The following FCSK variants were observed in gnomAD, a reference collection of about 807,000 sequenced individuals.
FCSK encodes the protein fucose kinase.
Under a neutral mutation model 122.5 loss-of-function variants are expected in FCSK, and 123 were observed. The ratio of observed to expected loss-of-function variants is 1.00; its 90% CI spans 0.87 to 1.17. The LOEUF (loss-of-function observed/expected upper bound fraction) is 1.17. Ranked by LOEUF, FCSK falls within the 50% of genes most tolerant of loss-of-function variation. FCSK has a pLI of 0.00. For synonymous variants in FCSK, 620 were observed against 625.5 expected, an observed-to-expected ratio of 0.99 and a Z score of 0.13; for missense variants, 1,366 against 1,450.4, an observed-to-expected ratio of 0.94 and a Z score of 0.95.
At position 70,474,188 on chromosome 16, in the gene FCSK, G is replaced by A. The variant is rs370982504; in HGVS notation, c.1837G>A (p.Val613Ile). The change falls in exon 16 of 24, where the codon GTC (valine) becomes ATC (isoleucine). Residue 613 changes from valine (V) to isoleucine (I), a missense_variant. Coordinates refer to ENST00000288078, the MANE Select transcript of FCSK (RefSeq NM_145059.3). The stretch of plus-strand genomic sequence containing the variant: ...ACGGGCACTGGCCTGTGTGGCGGAC[G>A]TCCTGGGCTGCATGGCAGAGGGCCG... Reference protein sequence around the residue: ...AARALACVADVLGCMAEGRGG... With the variant: ...AARALACVADILGCMAEGRGG... 4.6e-5 allele frequency: 72 copies of A among 1,569,084 alleles called. No homozygotes were observed. The African/African-American group carries it at 6.6e-4, about 14-fold the overall frequency.
At chr16:70,455,479 C>CG (rs17878789) in intron 1 of FCSK, among the ~76,000 whole-genome samples, 8,007 of 149,214 alleles carry the variant, frequency 0.054, 262 homozygotes, top group Non-Finnish European at 0.071. Flanking sequence ...AGCGAGACTA[C>CG]GTCTCAAAAA....
At chr16:70,477,500 G>T (rs2048854358) in intron 20 of FCSK, 1 of 151,864 alleles carries the variant, frequency 6.6e-6, no homozygotes, top group Admixed American at 6.6e-5. Context: ...TTATTTTTAT[G>T]CAGCTACAAG....
At position 70,470,191 on chromosome 16, in the gene FCSK, A is replaced by C. The variant is rs1260081639; in HGVS notation, c.956-123A>C. 65 of 684,904 alleles carry C rather than the reference A, an allele frequency of 9.5e-5. 1 individual carries two copies. The highest frequency in any genetic ancestry group is 2.8e-5 in the Non-Finnish European group (11 of 388,434). The allele number at this position is 684,904 out of a possible 1,614,324, so 42.4% of individuals were successfully genotyped here. ...TTGTGTGGCTTTGGGCAGGTTCCTG[A>C]CTCAGCTTCCCCTAACAGGCTCATG... On this transcript the variant is annotated intron_variant, in intron 10 of 23. Transcript: ENST00000288078.
At chr16:70,470,935 C>A in intron 11 of FCSK, 36 bp from the exon 12 acceptor site, 1 of 1,529,292 alleles carries the variant, frequency 6.5e-7, no homozygotes. Context: ...CCCTGGGCCT[C>A]GACCCCCCTC....
At chr16:70,466,297 A>G in intron 5 of FCSK, 40 bp downstream of exon 5, 5 of 1,610,136 alleles carry the variant, frequency 3.1e-6, no homozygotes, top group Non-Finnish European at 4.2e-6. Flanking sequence ...CGTCCCAGAT[A>G]GAGCCACTTC....
At position 70,474,649 on chromosome 16, in the gene FCSK, G is replaced by C. The variant is rs2048740345; in HGVS notation, c.2110G>C (p.Gly704Arg). 1 of 1,599,404 alleles carries C rather than the reference G, an allele frequency of 6.3e-7. No homozygotes were observed. The highest frequency in any genetic ancestry group is 1.1e-5 in the South Asian group (1 of 88,216). Reference sequence around the variant, plus strand: ...AGAGCAGGTGGAACTGCCGGGACCTGGGCAGTGGGTGGTGGCTGAGTGCCC... The same window carrying C: ...AGAGCAGGTGGAACTGCCGGGACCTCGGCAGTGGGTGGTGGCTGAGTGCCC... The part of the protein sequence containing the change: ...STEQVELPGP[G>R]QWVVAECPAR... The change falls in exon 17 of 24, where the codon GGG becomes CGG. Residue 704 changes from glycine to arginine, a missense_variant. Gly to Arg is a moderately radical substitution (Grantham distance 125). Coordinates refer to ENST00000288078, the MANE Select transcript of FCSK (RefSeq NM_145059.3).
intron 1 of FCSK, among the ~76,000 whole-genome samples, chr16:70,456,752 G>A (rs1282058651): frequency 6.6e-6 from 1 of 152,158 alleles, no homozygotes. Flanking sequence ...TGGGCATGGT[G>A]GCTCACGCCT....
intron 22 of FCSK, 25 bp downstream of exon 22, chr16:70,478,675 CAG>C (rs567735311): frequency 1.9e-6 from 3 of 1,592,524 alleles, no homozygotes; most frequent in South Asian, 1.1e-5. Context: ...CTGGGGGGGT[CAG>C]GGCACTGGGA....
At chr16:70,471,471 G>T in intron 13 of FCSK, 119 bp downstream of exon 13, 1 of 1,052,316 alleles carries the variant, frequency 9.5e-7, no homozygotes, top group Non-Finnish European at 1.3e-6. Flanking sequence ...CAGGCTGTGA[G>T]GAGGGTCGGA....
At chr16:70,462,658 T>A (rs1176812983) in intron 1 of FCSK, among the ~76,000 whole-genome samples, 1 of 151,804 alleles carries the variant, frequency 6.6e-6, no homozygotes. Context: ...TTATTTATTT[T>A]TTTTGAGACG....
intron 9 of FCSK, 40 bp from the exon 10 acceptor site, chr16:70,469,112 C>T: frequency 6.2e-7 from 1 of 1,612,418 alleles, no homozygotes; most frequent in South Asian, 1.1e-5. Flanking sequence ...GGGCTGAACC[C>T]CTGCCATGCC....
intron 8 of FCSK, among the ~76,000 whole-genome samples, chr16:70,468,567 G>C (rs1567700915): frequency 6.6e-6 from 1 of 152,194 alleles, no homozygotes; most frequent in Non-Finnish European, 1.5e-5. Flanking sequence ...CATCATGAGG[G>C]GCAAGGATTG....
chr16:70,470,283 G>A (rs1010613839), intron 10 of FCSK, 31 bp from the exon 11 acceptor site: 1 of 1,489,792 alleles, frequency 6.7e-7, no homozygotes, highest in Middle Eastern at 1.7e-4. Context: ...CAGCAGGCAT[G>A]GGGTTGGGTT....
intron 10 of FCSK, 118 bp downstream of exon 10, chr16:70,469,441 C>T (rs2048539332): frequency 5.2e-6 from 5 of 956,658 alleles, no homozygotes; most frequent in Non-Finnish European, 7.6e-6. Flanking sequence ...GGGCAGTTCT[C>T]CTGTCCTGTG....
Position 70,474,607 on chromosome 16 carries a change from C to G in FCSK, c.2068C>G (p.Gln690Glu). 6.3e-7 allele frequency: 1 copy of G among 1,581,382 alleles called. No individual in the cohort carries two copies. Among genetic ancestry groups the G allele is most frequent in the Non-Finnish European group, 8.6e-7 (1 of 1,163,630 alleles). ...GATCCGCCAGGCTGTGATGTCAGCC[C>G]AGCACTTTGTCTCCACAGAGCAGGT... is the stretch of plus-strand genomic sequence containing the variant. The part of the protein sequence containing the change: ...ILIRQAVMSA[Q>E]HFVSTEQVEL... The change falls in exon 17 of 24, where the codon CAG (glutamine) becomes GAG (glutamate). Residue 690 changes from glutamine to glutamate, a missense_variant. Coordinates refer to ENST00000288078, the MANE Select transcript of FCSK (RefSeq NM_145059.3).
rs763199357 is a variant in FCSK at position 70,468,841 on chromosome 16, C to G, written c.664-8C>G. The G allele has an allele frequency of 1.2e-5, 19 of 1,613,950 alleles. No individual in the cohort carries two copies. The South Asian group carries it at 2.1e-4, about 18-fold the overall frequency. On this transcript the variant is annotated splice_region_variant and splice_polypyrimidine_tract_variant and intron_variant, in intron 8 of 23. Coordinates refer to ENST00000288078, the MANE Select transcript of FCSK (RefSeq NM_145059.3). ...CTCCATCTCTGATCCTTTTGGGGTC[C>G]CTTCCAGGTCTCTGGGGTTGTCTTC...
At chr16:70,469,388 G>GA in intron 10 of FCSK, 65 bp downstream of exon 10, 1 of 1,455,566 alleles carries the variant, frequency 6.9e-7, no homozygotes, top group Non-Finnish European at 9.2e-7. Context: ...CAAGAATGGA[G>GA]CTGCTCACTG....
Position 70,474,058 on chromosome 16 carries a change from G to C in FCSK, c.1778-71G>C, listed in dbSNP as rs1597631565. On this transcript the variant is annotated intron_variant, in intron 15 of 23. Coordinates refer to ENST00000288078, the MANE Select transcript of FCSK (RefSeq NM_145059.3). The stretch of plus-strand genomic sequence containing the variant: ...GTCTGGCGCATTTAGGGACTGTTGA[G>C]TAGCCTCTCGTGAAAGAGGATTTTG... 5.6e-6 allele frequency: 8 copies of C among 1,424,338 alleles called. No individual in the cohort carries two copies. In the South Asian group the frequency reaches 9.9e-5, roughly 18 times the overall value. The allele number at this position is 1,424,338 out of a possible 1,614,324, so 88.2% of individuals were successfully genotyped here.
intron 19 of FCSK, 66 bp from the exon 20 acceptor site, chr16:70,475,582 C>G (rs190917203): frequency 6.3e-7 from 1 of 1,578,462 alleles, no homozygotes; most frequent in Admixed American, 1.8e-5. Context: ...TGCCCTTAGA[C>G]GGAGTCAGGC....
Sources: gnomAD v4.1 joint callset for allele counts (sites outside exome capture counted in the v4.1 genomes callset) on GRCh38, gnomAD v4.1.1 for gene constraint, MANE v1.5 for transcripts, NCBI Gene and HGNC (gene_info 2026-07-23, HGNC 2026-07-21) for gene names.